The following WDFY1 variants were observed in gnomAD, a reference collection of about 807,000 sequenced individuals.
The protein encoded by WDFY1 is WD repeat and FYVE domain containing 1.
A neutral mutation model predicts 56.4 loss-of-function variants in WDFY1; 32 were observed. The ratio of observed to expected loss-of-function variants is 0.57; its 90% CI spans 0.43 to 0.76. The LOEUF is 0.76. Among genes scored for constraint, WDFY1 ranks in the 30% least tolerant of loss-of-function variants. The pLI is 0.00. For missense variants in WDFY1, 480 were observed against 545.7 expected (o/e 0.88, Z 1.20); for synonymous variants, 192 against 197.3 (o/e 0.97, Z 0.23).
chr2:223,889,879 T>C (rs962856491), intron 8 of WDFY1, among the ~76,000 whole-genome samples: 1 of 152,246 alleles, frequency 6.6e-6, no homozygotes, highest in Admixed American at 6.5e-5. Context: ...TCATGTTTTT[T>C]TATTCTACTT....
At chr2:223,944,336 T>A (rs1408906732) in intron 1 of WDFY1, among the ~76,000 whole-genome samples, 3 of 152,238 alleles carry the variant, frequency 2.0e-5, no homozygotes, top group African/African-American at 7.2e-5. Flanking sequence ...AGAAACACCT[T>A]CCGAGTACCA....
intron 2 of WDFY1, among the ~76,000 whole-genome samples, chr2:223,917,629 G>A (rs771715029): frequency 4.6e-5 from 7 of 151,718 alleles, no homozygotes; most frequent in African/African-American, 9.7e-5. Flanking sequence ...GCTGGAGTGC[G>A]GTGGAGCAAC....
intron 1 of WDFY1, among the ~76,000 whole-genome samples, chr2:223,930,824 C>A (rs953049950): frequency 7.9e-5 from 12 of 152,184 alleles, no homozygotes; most frequent in African/African-American, 2.9e-4. Flanking sequence ...CTGAAGCCAT[C>A]CTCGGCCCGC....
At chr2:223,885,177 T>C (rs1693151934) in intron 8 of WDFY1, among the ~76,000 whole-genome samples, 1 of 151,880 alleles carries the variant, frequency 6.6e-6, no homozygotes, top group East Asian at 1.9e-4. Context: ...TTCAATATTA[T>C]GTTTAATTGT....
intron 4 of WDFY1, among the ~76,000 whole-genome samples, chr2:223,905,044 G>C (rs535616133): frequency 6.6e-6 from 1 of 152,112 alleles, no homozygotes; most frequent in Non-Finnish European, 1.5e-5. Flanking sequence ...AATCATAAAC[G>C]GACATTCAGA....
At chr2:223,879,029 A>G (rs1357118372) in intron 11 of WDFY1, among the ~76,000 whole-genome samples, 1 of 152,082 alleles carries the variant, frequency 6.6e-6, no homozygotes. Context: ...ACCAAAAAAA[A>G]TACAGAAATT....
At chr2:223,902,753 A>G (rs1349950810) in intron 4 of WDFY1, among the ~76,000 whole-genome samples, 3 of 150,254 alleles carry the variant, frequency 2.0e-5, no homozygotes, top group Non-Finnish European at 4.4e-5. Context: ...TGAAATGCAA[A>G]TATTATTTAT....
intron 1 of WDFY1, among the ~76,000 whole-genome samples, chr2:223,936,637 T>C (rs1188379625): frequency 2.0e-5 from 3 of 152,200 alleles, no homozygotes; most frequent in African/African-American, 7.2e-5. Context: ...GCTTGCAAGG[T>C]TGGCCCTTGG....
At chr2:223,893,619 C>G (rs1162460133) in intron 8 of WDFY1, among the ~76,000 whole-genome samples, 2 of 152,006 alleles carry the variant, frequency 1.3e-5, no homozygotes. Flanking sequence ...TTTCATTCCA[C>G]AATTCCACTT....
At chr2:223,887,861 T>A (rs1167397753) in intron 8 of WDFY1, among the ~76,000 whole-genome samples, 1 of 152,180 alleles carries the variant, frequency 6.6e-6, no homozygotes, top group Non-Finnish European at 1.5e-5. Flanking sequence ...CCTGGTTTGA[T>A]CCACAAATTT....
chr2:223,926,437 T>C (rs1258906979), intron 1 of WDFY1, among the ~76,000 whole-genome samples: 1 of 152,064 alleles, frequency 6.6e-6, no homozygotes, highest in African/African-American at 2.4e-5. Context: ...AGCAAAAGTG[T>C]ATTTTTTAAA....
chr2:223,910,847 C>T (rs1457327473), intron 3 of WDFY1, among the ~76,000 whole-genome samples: 1 of 152,150 alleles, frequency 6.6e-6, no homozygotes, highest in African/African-American at 2.4e-5. Flanking sequence ...CTATGGAAAA[C>T]AGTTTCATAG....
At chr2:223,919,996 C>T (rs1693862769) in intron 1 of WDFY1, among the ~76,000 whole-genome samples, 1 of 152,176 alleles carries the variant, frequency 6.6e-6, no homozygotes, top group Admixed American at 6.5e-5. Context: ...AGGCAGAAAC[C>T]ATTTGTTTGT....
intron 1 of WDFY1, among the ~76,000 whole-genome samples, chr2:223,933,053 T>A (rs1025458408): frequency 5.9e-5 from 9 of 152,152 alleles, no homozygotes; most frequent in African/African-American, 2.2e-4. Context: ...GAAGTCTTTC[T>A]CCTTTGGTAA....
intron 3 of WDFY1, among the ~76,000 whole-genome samples, chr2:223,910,719 G>A (rs643435): frequency 0.86 from 131,447 of 152,056 alleles, 57,289 homozygotes; most frequent in Non-Finnish European, 0.93. Context: ...ACACCCCCCA[G>A]GATGACCATA....
intron 4 of WDFY1, among the ~76,000 whole-genome samples, chr2:223,902,368 G>C (rs1693520483): frequency 6.6e-6 from 1 of 152,136 alleles, no homozygotes; most frequent in African/African-American, 2.4e-5. Context: ...TTGGAGACCA[G>C]CCTGGGCAAC....
intron 8 of WDFY1, among the ~76,000 whole-genome samples, chr2:223,891,394 A>AAAAAAAAAAAAAAAAAG: frequency 6.7e-6 from 1 of 150,022 alleles, no homozygotes; most frequent in African/African-American, 2.4e-5. Flanking sequence ...AAAAAAAAAA[A>AAAAAAAAAAAAAAAAAG]AGCCCAAAAA....
At chr2:223,911,437 G>T (rs1439249398) in intron 3 of WDFY1, among the ~76,000 whole-genome samples, 1 of 152,080 alleles carries the variant, frequency 6.6e-6, no homozygotes, top group African/African-American at 2.4e-5. Context: ...AAAAACAAAT[G>T]TATGCATACA....
At chr2:223,897,382 A>ATT (rs1418724112) in intron 6 of WDFY1, among the ~76,000 whole-genome samples, 9,133 of 105,996 alleles carry the variant, frequency 0.086, 807 homozygotes, top group Middle Eastern at 0.15. Flanking sequence ...ATATATATAT[A>ATT]TATATATATT....
Sources: gnomAD v4.1 joint callset for allele counts (sites outside exome capture counted in the v4.1 genomes callset) on GRCh38, gnomAD v4.1.1 for gene constraint, MANE v1.5 for transcripts, NCBI Gene and HGNC (gene_info 2026-07-23, HGNC 2026-07-21) for gene names.